The following FILIP1 variants were observed in gnomAD, a reference collection of about 807,000 sequenced individuals.
FILIP1 encodes the protein filamin-A-interacting protein 1.
A neutral mutation model predicts 102.1 loss-of-function variants in FILIP1; 61 were observed. The ratio of observed to expected loss-of-function variants is 0.60; its 90% confidence interval spans 0.49 to 0.74. FILIP1 has a LOEUF of 0.74. Ranked by LOEUF, FILIP1 falls within the 30% of genes least tolerant of loss-of-function variation. The pLI, the probability that FILIP1 is intolerant of heterozygous loss-of-function variation, is 0.00. For missense variants in FILIP1, 1,314 were observed against 1,441.2 expected, an observed-to-expected ratio of 0.91 and a Z score of 1.43; for synonymous variants, 491 against 526.9, an observed-to-expected ratio of 0.93 and a Z score of 0.93.
intron 3 of FILIP1, among the ~76,000 whole-genome samples, chr6:75,354,708 T>C (rs892365528): frequency 1.3e-5 from 2 of 152,200 alleles, no homozygotes; most frequent in Non-Finnish European, 2.9e-5. Flanking sequence ...TTCCTAAACT[T>C]TCAGGAAAAC....
At chr6:75,407,030 A>G (rs1277678024) in intron 2 of FILIP1, among the ~76,000 whole-genome samples, 1 of 152,182 alleles carries the variant, frequency 6.6e-6, no homozygotes, top group Non-Finnish European at 1.5e-5. Context: ...AGCCCAAAGA[A>G]TGGATGAACT....
chr6:75,489,942 G>A (rs1163081346), intron 1 of FILIP1, among the ~76,000 whole-genome samples: 1 of 151,842 alleles, frequency 6.6e-6, no homozygotes, highest in African/African-American at 2.4e-5. Context: ...ACACGAGCTT[G>A]CCCCCTCATT....
intron 2 of FILIP1, among the ~76,000 whole-genome samples, chr6:75,370,262 T>C (rs1407470891): frequency 6.6e-6 from 1 of 152,212 alleles, no homozygotes; most frequent in Non-Finnish European, 1.5e-5. Flanking sequence ...CATATGGTAA[T>C]TTATTAATTT....
chr6:75,443,063 C>T (rs544241656), intron 1 of FILIP1, among the ~76,000 whole-genome samples: 1 of 152,232 alleles, frequency 6.6e-6, no homozygotes, highest in African/African-American at 2.4e-5. Flanking sequence ...GGAAATGATT[C>T]CCTAACTTAT....
chr6:75,473,742 G>T (rs1779397654), intron 1 of FILIP1: 2 of 151,968 alleles, frequency 1.3e-5, no homozygotes, highest in African/African-American at 4.8e-5. Context: ...TTTTTTAAGG[G>T]GAAAGCACGA....
chr6:75,440,937 C>T lies in FILIP1; in HGVS notation c.-6-25959G>A, dbSNP rs1460084282. On this transcript the variant is annotated intron_variant, in intron 1 of 5. Coordinates refer to ENST00000237172, the MANE Select transcript of FILIP1 (RefSeq NM_015687.5). Reference sequence around the variant, plus strand: ...GCACTCCAGCCTGGGCAACAAGGAGCGACGTCTCAAAAAAAAAAAAAAAAA... The same window carrying T: ...GCACTCCAGCCTGGGCAACAAGGAGTGACGTCTCAAAAAAAAAAAAAAAAA... Among the ~76,000 whole-genome samples the T allele has an allele frequency of 2.2e-5, 3 of 137,178 alleles. No homozygotes were observed. In the Admixed American group the frequency reaches 2.3e-4, roughly 11 times the overall value. 90.0% of individuals were successfully genotyped at this position (137,178 alleles called of 152,430 possible).
intron 1 of FILIP1, among the ~76,000 whole-genome samples, chr6:75,482,990 T>A (rs1371091104): frequency 6.6e-6 from 1 of 151,796 alleles, no homozygotes; most frequent in East Asian, 1.9e-4. Flanking sequence ...TGTCACAGAA[T>A]AATTATAAGA....
intron 2 of FILIP1, among the ~76,000 whole-genome samples, chr6:75,400,032 T>G (rs1025815701): frequency 6.6e-6 from 1 of 152,122 alleles, no homozygotes; most frequent in African/African-American, 2.4e-5. Context: ...CCCATCTGGT[T>G]CCTGGCTGAG....
At chr6:75,488,460 A>G (rs570431964) in intron 1 of FILIP1, among the ~76,000 whole-genome samples, 1 of 151,978 alleles carries the variant, frequency 6.6e-6, no homozygotes, top group Admixed American at 6.6e-5. Context: ...AAAAAAACAT[A>G]ATCCAATATA....
downstream of FILIP1, among the ~76,000 whole-genome samples, chr6:75,306,790 TCGCCCAGGC>T (rs1773000504): frequency 6.7e-6 from 1 of 149,154 alleles, no homozygotes; most frequent in Non-Finnish European, 1.5e-5. Context: ...TCTCTCTCTG[TCGCCCAGGC>T]TGGAGTGCAG....
rs1582454261 is a variant in FILIP1 at position 75,404,183 on chromosome 6, G to A, written c.276+10514C>T. On this transcript the variant is annotated intron_variant, in intron 2 of 5. Transcript: ENST00000237172. Reference sequence around the variant, plus strand: ...GCCCAGGAGTTGGAGGCTGCAGTGAGCTGATTATGCCACTGCCACTGCCCA... The same window carrying A: ...GCCCAGGAGTTGGAGGCTGCAGTGAACTGATTATGCCACTGCCACTGCCCA... Among the ~76,000 whole-genome samples, 5 of 152,300 alleles carry A rather than the reference G, an allele frequency of 3.3e-5. No individual in the cohort carries two copies. The East Asian group carries it at 7.7e-4, about 24-fold the overall frequency.
intron 1 of FILIP1, among the ~76,000 whole-genome samples, chr6:75,471,159 C>CAAA (rs67671264): frequency 1.4e-5 from 1 of 72,290 alleles, no homozygotes. Context: ...GACCTTGTCT[C>CAAA]AAAAAAAAAA....
chr6:75,462,576 ATG>A (rs1234376223), intron 1 of FILIP1, among the ~76,000 whole-genome samples: 1 of 152,088 alleles, frequency 6.6e-6, no homozygotes, highest in Non-Finnish European at 1.5e-5. Flanking sequence ...AATCTCATAT[ATG>A]TGTGTGTATA....
At chr6:75,448,611 A>G (rs1426263540) in intron 1 of FILIP1, among the ~76,000 whole-genome samples, 12 of 152,172 alleles carry the variant, frequency 7.9e-5, no homozygotes. Context: ...CATCCAACAA[A>G]GAACCAATAT....
intron 6 of FILIP1, among the ~76,000 whole-genome samples, chr6:75,299,071 T>TAA (rs397940703): frequency 4.8e-5 from 7 of 145,860 alleles, no homozygotes; most frequent in Middle Eastern, 6.9e-3. Context: ...ATTATTTGTG[T>TAA]AAAAAAAAAA....
intron 2 of FILIP1, among the ~76,000 whole-genome samples, chr6:75,381,046 A>G (rs1775892069): frequency 6.6e-6 from 1 of 152,086 alleles, no homozygotes; most frequent in African/African-American, 2.4e-5. Flanking sequence ...AATACCATAG[A>G]TATATACTGT....
intron 4 of FILIP1, among the ~76,000 whole-genome samples, chr6:75,348,332 G>C (rs1374494925): frequency 2.6e-5 from 4 of 152,124 alleles, no homozygotes; most frequent in Non-Finnish European, 5.9e-5. Flanking sequence ...ATTTAGACAA[G>C]GGGGATTTCT....
At chr6:75,477,055 A>G (rs1033863976) in intron 1 of FILIP1, among the ~76,000 whole-genome samples, 6 of 152,230 alleles carry the variant, frequency 3.9e-5, no homozygotes, top group Non-Finnish European at 7.3e-5. Context: ...GGTTAAAAAA[A>G]TTATCCCTGT....
intron 1 of FILIP1, among the ~76,000 whole-genome samples, chr6:75,454,241 G>A (rs1049300295): frequency 1.2e-4 from 18 of 152,096 alleles, no homozygotes; most frequent in African/African-American, 2.4e-5. Context: ...CAGTGGAGAG[G>A]CCTTTACTTC....
Sources: allele counts gnomAD v4.1 joint callset (sites outside exome capture counted in the v4.1 genomes callset), GRCh38; gene constraint gnomAD v4.1.1; transcripts MANE v1.5; gene names NCBI Gene and HGNC (gene_info 2026-07-23, HGNC 2026-07-21).